RBFOX1: variants seen among roughly 807,000 people sequenced by gnomAD.
The protein encoded by RBFOX1 is RNA binding protein fox-1 homolog 1.
In RBFOX1, 8 loss-of-function variants were observed where a neutral mutation model predicts 57.7. That is an observed-to-expected ratio of 0.14 (90% CI 0.08 to 0.25). RBFOX1 has a LOEUF of 0.25. Among genes scored for constraint, RBFOX1 ranks in the 10% least tolerant of loss-of-function variants. The pLI is 1.00. For missense variants in RBFOX1, 611 were observed against 548.5 expected (o/e 1.11, Z -1.14); for synonymous variants, 326 against 222.4 (o/e 1.47, Z -4.15).
At chr16:6,376,146 A>G (rs555133018) in intron 2 of RBFOX1, among the ~76,000 whole-genome samples, 27 of 152,242 alleles carry the variant, frequency 1.8e-4, no homozygotes, top group African/African-American at 6.5e-4. Context: ...TGGAAATTTC[A>G]TATCAATATC....
intron 4 of RBFOX1, among the ~76,000 whole-genome samples, chr16:7,504,759 A>ATATATATATT (rs2072505782): frequency 5.8e-4 from 5 of 8,678 alleles, no homozygotes; most frequent in Non-Finnish European, 2.4e-3. Context: ...ATATATTTAT[A>ATATATATATT]TATATATATA....
intron 1 of RBFOX1, among the ~76,000 whole-genome samples, chr16:5,377,405 A>C (rs1398847601): frequency 6.6e-6 from 1 of 151,340 alleles, no homozygotes; most frequent in East Asian, 1.9e-4. Context: ...TGACCAGGCA[A>C]ATCACAAAGG....
At chr16:6,193,368 A>ATATATATACATTATATG (rs1555545299) in intron 1 of RBFOX1, among the ~76,000 whole-genome samples, 26 of 114,290 alleles carry the variant, frequency 2.3e-4, no homozygotes, top group African/African-American at 8.3e-4. Context: ...ATATATATAT[A>ATATATATACATTATATG]TATATATACA....
intron 3 of RBFOX1, among the ~76,000 whole-genome samples, chr16:6,764,792 C>G (rs1377329500): frequency 6.6e-6 from 1 of 151,964 alleles, no homozygotes; most frequent in Non-Finnish European, 1.5e-5. Context: ...TAAAAATTAG[C>G]TAGGCATGGT....
At chr16:6,409,721 C>G (rs1023017283) in intron 2 of RBFOX1, among the ~76,000 whole-genome samples, 1 of 152,114 alleles carries the variant, frequency 6.6e-6, no homozygotes, top group African/African-American at 2.4e-5. Context: ...CAGCTGCAAA[C>G]CACTGTCTTA....
chr16:6,950,278 A>G (rs1359945385), intron 3 of RBFOX1, among the ~76,000 whole-genome samples: 2 of 151,968 alleles, frequency 1.3e-5, no homozygotes, highest in Admixed American at 6.6e-5. Flanking sequence ...TTGTCTTTGC[A>G]GAACCATGCT....
chr16:5,959,960 G>A (rs932357114), intron 4 of RBFOX1, among the ~76,000 whole-genome samples: 5 of 152,220 alleles, frequency 3.3e-5, no homozygotes, highest in Non-Finnish European at 5.9e-5. Flanking sequence ...CAGTACTTTG[G>A]GAGGCAGAGG....
At chr16:6,534,629 G>A (rs990047854) in intron 2 of RBFOX1, among the ~76,000 whole-genome samples, 6 of 152,106 alleles carry the variant, frequency 3.9e-5, no homozygotes, top group African/African-American at 1.2e-4. Flanking sequence ...TCACAAGACC[G>A]CAATCTACCT....
Position 5,838,431 on chromosome 16 carries a change from A to C in RBFOX1, c.319-28872A>C, listed in dbSNP as rs79072335. 619 of 156,452 alleles carry C rather than the reference A, an allele frequency of 4.0e-3. 5 individuals carry two copies. The highest frequency in any genetic ancestry group is 0.026 in the Middle Eastern group (8 of 306). 9.7% of individuals were successfully genotyped at this position (156,452 alleles called of 1,614,324 possible). On this transcript the variant is annotated intron_variant, in intron 3 of 19. Transcript: ENST00000641259. ...GCCAGTGACGGTGGAGAGGAACAAG[A>C]ATGGCCCACTGGTAAATACAATCAT...
At chr16:5,810,868 T>A (rs2055399214) in intron 3 of RBFOX1, among the ~76,000 whole-genome samples, 5 of 152,032 alleles carry the variant, frequency 3.3e-5, no homozygotes, top group Non-Finnish European at 7.4e-5. Flanking sequence ...GAAAAAAAAA[T>A]TATTAAGTTA....
chr16:5,284,605 G>T (rs1223378267), intron 1 of RBFOX1, among the ~76,000 whole-genome samples: 1 of 147,242 alleles, frequency 6.8e-6, no homozygotes, highest in African/African-American at 2.5e-5. Context: ...ACAGTGGCAT[G>T]ATCATAGCTC....
intron 1 of RBFOX1, among the ~76,000 whole-genome samples, chr16:6,076,522 C>T (rs2095903869): frequency 6.6e-6 from 1 of 151,918 alleles, no homozygotes; most frequent in Non-Finnish European, 1.5e-5. Context: ...GGCTGGAGGA[C>T]AGTGGTGCGA....
chr16:5,572,529 C>T (rs1253738533), intron 2 of RBFOX1, among the ~76,000 whole-genome samples: 1 of 152,132 alleles, frequency 6.6e-6, no homozygotes, highest in Non-Finnish European at 1.5e-5. Context: ...ATCTTCTTCC[C>T]CAGTCATGAC....
At chr16:7,105,057 T>C (rs6500916) in intron 4 of RBFOX1, among the ~76,000 whole-genome samples, 6,966 of 152,204 alleles carry the variant, frequency 0.046, 549 homozygotes, top group African/African-American at 0.16. Flanking sequence ...TCCACTTACA[T>C]TCTTCTAGCT....
At chr16:7,436,343 C>A (rs1421872317) in intron 4 of RBFOX1, among the ~76,000 whole-genome samples, 2 of 152,156 alleles carry the variant, frequency 1.3e-5, no homozygotes, top group East Asian at 3.8e-4. Flanking sequence ...GGTAGGCAAA[C>A]TTGGACAAAC....
At chr16:6,726,072 C>T (rs1391675093) in intron 3 of RBFOX1, among the ~76,000 whole-genome samples, 4 of 152,106 alleles carry the variant, frequency 2.6e-5, no homozygotes, top group African/African-American at 7.2e-5. Flanking sequence ...TTGACTCCTA[C>T]GTGATTATGT....
intron 1 of RBFOX1, among the ~76,000 whole-genome samples, chr16:5,255,354 C>CCATCCATCCA (rs1555468931): frequency 5.8e-5 from 5 of 86,254 alleles, no homozygotes; most frequent in Non-Finnish European, 1.4e-4. Flanking sequence ...CCATCCATCC[C>CCATCCATCCA]TCCATCCATC....
chr16:6,523,423 A>G (rs1204905678), intron 2 of RBFOX1, among the ~76,000 whole-genome samples: 1 of 152,184 alleles, frequency 6.6e-6, no homozygotes, highest in Non-Finnish European at 1.5e-5. Flanking sequence ...GTTAACGGTC[A>G]TTGAACATGG....
intron 3 of RBFOX1, among the ~76,000 whole-genome samples, chr16:6,933,126 C>G (rs565986530): frequency 1.4e-4 from 22 of 152,282 alleles, no homozygotes; most frequent in African/African-American, 4.8e-4. Flanking sequence ...AACCACATTT[C>G]TCTTATCCCT....
Sources: gnomAD v4.1 joint callset for allele counts (sites outside exome capture counted in the v4.1 genomes callset) on GRCh38, gnomAD v4.1.1 for gene constraint, MANE v1.5 for transcripts, NCBI Gene and HGNC (gene_info 2026-07-23, HGNC 2026-07-21) for gene names.